USP34: variants seen among roughly 807,000 people sequenced by gnomAD.
USP34 encodes the protein ubiquitin specific peptidase 34.
Under a neutral mutation model 460.3 loss-of-function variants are expected in USP34, and 70 were observed. The observed-to-expected ratio is 0.15, with a 90% CI of 0.13 to 0.19. The LOEUF (loss-of-function observed/expected upper bound fraction) is 0.19, where lower values mean the gene tolerates loss of function less well. Among genes scored for constraint, USP34 ranks in the 10% least tolerant of loss-of-function variants. USP34 has a pLI of 1.00. For synonymous variants in USP34, 1,647 were observed against 1,405.3 expected, an observed-to-expected ratio of 1.17 and a Z score of -3.85; for missense variants, 3,985 against 4,236.2, an observed-to-expected ratio of 0.94 and a Z score of 1.65.
intron 8 of USP34, among the ~76,000 whole-genome samples, chr2:61,376,418 A>C (rs944902410): frequency 6.6e-6 from 1 of 152,148 alleles, no homozygotes; most frequent in African/African-American, 2.4e-5. Context: ...TGCATTTGTT[A>C]TTGGAATTCC....
chr2:61,226,742 T>C, intron 62 of USP34: 1 of 197,364 alleles, frequency 5.1e-6, no homozygotes, highest in Non-Finnish European at 1.0e-5. Flanking sequence ...TGGACACAGA[T>C]TCCTAGAAAT....
chr2:61,455,892 T>A (rs1695423610), intron 1 of USP34, among the ~76,000 whole-genome samples: 1 of 152,076 alleles, frequency 6.6e-6, no homozygotes, highest in South Asian at 2.1e-4. Context: ...CATTAAGAGG[T>A]AAGGGAACTT....
intron 10 of USP34, among the ~76,000 whole-genome samples, chr2:61,353,580 T>TG (rs1231424876): frequency 2.3e-4 from 35 of 151,778 alleles, no homozygotes; most frequent in South Asian, 8.3e-4. Flanking sequence ...TTTTTGTTTT[T>TG]TTTGTTTAGT....
Position 61,206,884 on chromosome 2 carries a change from A to C in USP34, c.8922T>G (p.Ser2974=). ...GATACATCATGTGCAAAGTGTTGAA[A>C]GACTACAAATGATTTGAAAAAATTG... ...FNRGLILMTE[S]FNTLHMMYHE... Residue 2974 remains serine, a splice_region_variant and synonymous_variant, in exon 71 of 80, where the codon TCT becomes TCG. Coordinates refer to ENST00000398571, the MANE Select transcript of USP34 (RefSeq NM_014709.4). 19 of 1,604,740 alleles carry C rather than the reference A, an allele frequency of 1.2e-5. No homozygotes were observed. The highest frequency in any genetic ancestry group is 1.5e-5 in the Non-Finnish European group (18 of 1,177,656).
intron 74 of USP34, 67 bp downstream of exon 74, chr2:61,204,189 G>T: frequency 6.2e-7 from 1 of 1,601,468 alleles, no homozygotes; most frequent in Non-Finnish European, 8.5e-7. Flanking sequence ...ATTCATAACT[G>T]CCAGGGGAAA....
chr2:61,442,803 T>G (rs1055302847), intron 1 of USP34, among the ~76,000 whole-genome samples: 4 of 151,970 alleles, frequency 2.6e-5, no homozygotes, highest in Non-Finnish European at 4.4e-5. Flanking sequence ...GACGTCTGCA[T>G]TCCCACGATT....
At chr2:61,439,002 C>CA (rs1313132730) in intron 1 of USP34, among the ~76,000 whole-genome samples, 1 of 152,124 alleles carries the variant, frequency 6.6e-6, no homozygotes, top group Non-Finnish European at 1.5e-5. Context: ...TAAAAAAAAT[C>CA]AGTGATGTTT....
chr2:61,317,919 A>T, intron 22 of USP34, 152 bp from the exon 23 acceptor site: 2 of 602,566 alleles, frequency 3.3e-6, no homozygotes, highest in Non-Finnish European at 5.4e-6. Context: ...AATATATAAT[A>T]ATTTTGCTGG....
chr2:61,329,018 A>G (rs971594112), intron 20 of USP34, among the ~76,000 whole-genome samples: 7 of 151,810 alleles, frequency 4.6e-5, no homozygotes, highest in Middle Eastern at 3.4e-3. Context: ...TGATCCTATG[A>G]TTTTTGTTTG....
At chr2:61,346,046 C>A (rs372311377) in intron 15 of USP34, among the ~76,000 whole-genome samples, 2 of 152,008 alleles carry the variant, frequency 1.3e-5, no homozygotes, top group Non-Finnish European at 2.9e-5. Flanking sequence ...TGGAGCTTAC[C>A]CTTTTAAATA....
intron 18 of USP34, among the ~76,000 whole-genome samples, chr2:61,335,489 G>A (rs1398134378): frequency 2.0e-5 from 3 of 152,216 alleles, no homozygotes; most frequent in Non-Finnish European, 4.4e-5. Flanking sequence ...AATGGTTCAT[G>A]CCTGTAATCC....
intron 20 of USP34, among the ~76,000 whole-genome samples, chr2:61,326,823 G>A (rs927522185): frequency 4.8e-5 from 6 of 126,056 alleles, no homozygotes; most frequent in Admixed American, 9.8e-5. Context: ...TTTCACACTC[G>A]CCCAGGTTGG....
chr2:61,299,851 T>C (rs563972773), intron 29 of USP34, among the ~76,000 whole-genome samples: 2 of 152,336 alleles, frequency 1.3e-5, no homozygotes, highest in East Asian at 3.9e-4. Flanking sequence ...TCCATACTTA[T>C]ATATCCAAGT....
At chr2:61,247,813 G>A (rs1164112681) in intron 49 of USP34, among the ~76,000 whole-genome samples, 2 of 151,626 alleles carry the variant, frequency 1.3e-5, no homozygotes, top group Admixed American at 1.3e-4. Flanking sequence ...TTATTTTTTT[G>A]AGACAGAGTC....
At chr2:61,438,435 A>C (rs550583907) in intron 1 of USP34, among the ~76,000 whole-genome samples, 90 of 152,212 alleles carry the variant, frequency 5.9e-4, no homozygotes, top group African/African-American at 2.2e-3. Flanking sequence ...CAACATGGTG[A>C]AACCCCGTTT....
At chr2:61,318,578 T>G (rs1690822584) in intron 22 of USP34, among the ~76,000 whole-genome samples, 1 of 152,222 alleles carries the variant, frequency 6.6e-6, no homozygotes, top group Non-Finnish European at 1.5e-5. Flanking sequence ...AAAAAAGTCT[T>G]ACTGCATTAT....
At chr2:61,246,591 A>G in intron 49 of USP34, 114 bp from the exon 50 acceptor site, 1 of 761,516 alleles carries the variant, frequency 1.3e-6, no homozygotes, top group Non-Finnish European at 1.8e-6. Flanking sequence ...TTTTAATAAA[A>G]TAAAAATAAT....
chr2:61,327,315 G>C (rs890427914), intron 20 of USP34, among the ~76,000 whole-genome samples: 5 of 152,156 alleles, frequency 3.3e-5, no homozygotes, highest in African/African-American at 1.2e-4. Context: ...TCACCTTTGT[G>C]AAAGTGAAAA....
chr2:61,313,626 G>A (rs764293814), intron 25 of USP34, among the ~76,000 whole-genome samples: 28 of 151,872 alleles, frequency 1.8e-4, no homozygotes, highest in Non-Finnish European at 3.2e-4. Context: ...ATTTTTTTAA[G>A]TGGTTAAAGT....
Sources: allele counts gnomAD v4.1 joint callset (sites outside exome capture counted in the v4.1 genomes callset), GRCh38; gene constraint gnomAD v4.1.1; transcripts MANE v1.5; gene names NCBI Gene and HGNC (gene_info 2026-07-23, HGNC 2026-07-21).